The following ACD variants were observed in gnomAD, a reference collection of about 807,000 sequenced individuals.
ACD encodes adrenocortical dysplasia protein homolog.
A neutral mutation model predicts 53.9 loss-of-function variants in ACD; 39 were observed. The ratio of observed to expected loss-of-function variants is 0.72; its 90% CI spans 0.56 to 0.95. The LOEUF (loss-of-function observed/expected upper bound fraction) is 0.95. Among genes scored for constraint, ACD ranks in the 40% least tolerant of loss-of-function variants. The pLI, the probability that ACD is intolerant of heterozygous loss-of-function variation, is 0.00. For missense variants in ACD, 526 were observed against 587.9 expected (o/e 0.89, Z 1.09); for synonymous variants, 273 against 249.2 (o/e 1.10, Z -0.90).
At chr16:67,658,905 C>T (rs1238534278) in intron 7 of ACD, 23 bp downstream of exon 7, 1 of 1,609,762 alleles carries the variant, frequency 6.2e-7, no homozygotes, top group Non-Finnish European at 8.5e-7. Context: ...CCTGACATCT[C>T]CCAAGCAAAT....
In ACD at chr16:67,660,006, G is replaced by C. The variant is rs1057522813; in HGVS notation, c.139C>G (p.His47Asp). Reference protein sequence around the residue: ...DAEAAVAGPSHAPDTSDVGAT... With the variant: ...DAEAAVAGPSDAPDTSDVGAT... ...CCGACGTCGGACGTATCAGGGGCGT[G>C]GGATGGGCCCGCGACCGCGGCCTCG... The change falls in exon 2 of 12, where the codon CAC (histidine) becomes GAC (aspartate). Residue 47 changes from histidine to aspartate, a missense_variant. By Grantham distance (81) the His-to-Asp change is moderately conservative. Transcript: ENST00000620761. 6.2e-7 allele frequency: 1 copy of C among 1,607,804 alleles called. No homozygotes were observed.
chr16:67,659,823 G>A (rs746919859), intron 2 of ACD, 28 bp from the exon 3 acceptor site: 8 of 1,593,552 alleles, frequency 5.0e-6, no homozygotes, highest in Admixed American at 1.7e-5. Context: ...CTCACTGCCG[G>A]GCCCACCTGA....
Position 67,657,798 on chromosome 16 carries a change from G to C in ACD, c.1262C>G (p.Pro421Arg), listed in dbSNP as rs149418249. Reference sequence around the variant, plus strand: ...GACCCGAGCACAGAGGGACGTGCAGGGTGGCTCATACTCATACTGGAAGGC... The same window carrying C: ...GACCCGAGCACAGAGGGACGTGCAGCGTGGCTCATACTCATACTGGAAGGC... ...GSAFQYEYEP[P>R]CTSLCARVQA... The change falls in exon 11 of 12, where the codon CCC becomes CGC. Residue 421 changes from proline to arginine, a missense_variant. Pro to Arg is a moderately radical substitution (Grantham distance 103). Transcript: ENST00000620761. The surrounding 1 kb of genome is among the most constrained non-coding windows in gnomAD (Gnocchi z 4.5). 3.7e-6 allele frequency: 6 copies of C among 1,613,966 alleles called. No individual in the cohort carries two copies. The highest frequency in any genetic ancestry group is 5.1e-6 in the Non-Finnish European group (6 of 1,180,044).
At position 67,657,875 on chromosome 16, in the gene ACD, G is replaced by C. The variant is rs767319421; in HGVS notation, c.1207-22C>G. On this transcript the variant is annotated intron_variant, in intron 10 of 11. Coordinates refer to ENST00000620761, the MANE Select transcript of ACD (RefSeq NM_001082486.2). The surrounding 1 kb of genome is among the most constrained non-coding windows in gnomAD (Gnocchi z 4.5). ...GTTCCTGAAAGGGGTATGGTGTCTGGGGAAGAGCTAACAAGGACCCCAACC... is the reference window on the plus strand; with the variant it reads ...GTTCCTGAAAGGGGTATGGTGTCTGCGGAAGAGCTAACAAGGACCCCAACC... 1.9e-6 allele frequency: 3 copies of C among 1,613,844 alleles called. No individual in the cohort carries two copies. Among genetic ancestry groups the C allele is most frequent in the East Asian group, 2.2e-5 (1 of 44,894 alleles).
Position 67,660,047 on chromosome 16 carries a change from T to C in ACD, c.100-2A>G, listed in dbSNP as rs535895567. The C allele has an allele frequency of 6.2e-7, 1 of 1,608,214 alleles. No individual in the cohort carries two copies. Among genetic ancestry groups the C allele is most frequent in the East Asian group, 2.2e-5 (1 of 44,786 alleles). On this transcript the variant is annotated splice_acceptor_variant, in intron 1 of 11. Coordinates refer to ENST00000620761, the MANE Select transcript of ACD (RefSeq NM_001082486.2). LOFTEE classifies it high-confidence loss of function. ...CGCGGCCTCGGCGTCCTGTAGTACC[T>C]GACGGCGGCGAGCGGCGTCAATCCC...
At position 67,659,309 on chromosome 16, in the gene ACD, G is replaced by C. The variant is rs758329179; in HGVS notation, c.459-46C>G. 23 of 1,614,062 alleles carry C rather than the reference G, an allele frequency of 1.4e-5. No homozygotes were observed. In the South Asian group the frequency reaches 2.4e-4, roughly 17 times the overall value. ...GGACTCAGGAACCATGCTGAGGCCT[G>C]TCTACCTAGATACACCATCCCCTCA... On this transcript the variant is annotated intron_variant, in intron 5 of 11. Coordinates refer to ENST00000620761, the MANE Select transcript of ACD (RefSeq NM_001082486.2).
At position 67,658,750 on chromosome 16, in the gene ACD, TCAGAATTAGCTGGTCATTCTCAG is replaced by T; in HGVS notation, c.689_711del (p.Ser230Ter). 1 of 1,613,384 alleles carries T rather than the reference TCAGAATTAGCTGGTCATTCTCAG, an allele frequency of 6.2e-7. No individual in the cohort carries two copies. The highest frequency in any genetic ancestry group is 8.5e-7 in the Non-Finnish European group (1 of 1,179,658). On this transcript the variant is annotated frameshift_variant, in exon 8 of 12. Transcript: ENST00000620761. LOFTEE classifies it high-confidence loss of function. ...GTCCTCTGACAGGGGCCTAGAGAGCTCAGAATTAGCTGGTCATTCTCAGAGATGCACAGCATTGAGCTGGGGAC... is the reference window on the plus strand; with the variant it reads ...GTCCTCTGACAGGGGCCTAGAGAGCTAGATGCACAGCATTGAGCTGGGGAC...
chr16:67,659,802 C>G lies in ACD; in HGVS notation c.243-7G>C. ...GCCGAACTCCTTCTCCTCCCTGCAA[C>G]AAGCAGGATCCTCACTGCCGGGCCC... is the stretch of plus-strand genomic sequence containing the variant. On this transcript the variant is annotated splice_region_variant and splice_polypyrimidine_tract_variant and intron_variant, in intron 2 of 11. Transcript: ENST00000620761. 6.2e-7 allele frequency: 1 copy of G among 1,601,842 alleles called. No homozygotes were observed. The highest frequency in any genetic ancestry group is 1.7e-4 in the Middle Eastern group (1 of 6,012).
rs144087853 is a variant in ACD at position 67,658,992 on chromosome 16, G to A, written c.581C>T (p.Thr194Ile). 7 of 1,613,814 alleles carry A rather than the reference G, an allele frequency of 4.3e-6. No individual in the cohort carries two copies. In the African/African-American group the frequency reaches 5.3e-5, roughly 12 times the overall value. Residue 194 changes from threonine to isoleucine, a missense_variant, in exon 7 of 12, where the codon ACA becomes ATA. Coordinates refer to ENST00000620761, the MANE Select transcript of ACD (RefSeq NM_001082486.2). ...ALVCLAESCLTLEGPCTAPPV... is the reference protein window; with the variant it reads ...ALVCLAESCLILEGPCTAPPV... ...GGGTGCTGTGCAAGGGCCCTCCAGT[G>A]TCAGGCAGCTTTCAGCCAGGCACAC...
At position 67,657,738 on chromosome 16, in the gene ACD, G is replaced by A. The variant is rs768904482; in HGVS notation, c.1298+24C>T. 19 of 1,614,060 alleles carry A rather than the reference G, an allele frequency of 1.2e-5. No homozygotes were observed. The highest frequency in any genetic ancestry group is 2.2e-5 in the South Asian group (2 of 91,082). On this transcript the variant is annotated intron_variant, in intron 11 of 11. Coordinates refer to ENST00000620761, the MANE Select transcript of ACD (RefSeq NM_001082486.2). This position sits in a 1 kb window ranked among gnomAD's most constrained non-coding sequence, Gnocchi z 4.5. ...TGGAGCCTGGGACTAGTGACCAAGAGTTGGGGCAGACCCAGGCACTCACCT... is the reference window on the plus strand; with the variant it reads ...TGGAGCCTGGGACTAGTGACCAAGAATTGGGGCAGACCCAGGCACTCACCT...
chr16:67,659,502 G>A, intron 4 of ACD, 35 bp downstream of exon 4: 2 of 1,613,506 alleles, frequency 1.2e-6, no homozygotes, highest in Non-Finnish European at 1.7e-6. Flanking sequence ...AGGCTGGGGT[G>A]GGGAGAGCTG....
intron 2 of ACD, 45 bp from the exon 3 acceptor site, chr16:67,659,840 G>C: frequency 6.3e-7 from 1 of 1,584,356 alleles, no homozygotes; most frequent in Admixed American, 1.7e-5. Context: ...CTGAACACAA[G>C]GCCCGCCCAC....
Position 67,659,021 on chromosome 16 carries a change from T to A in ACD, c.552A>T (p.Ala184=), listed in dbSNP as rs2052938154. ...GGCAGCTTTCAGCCAGGCACACGAG[T>A]GCCCCCTGATGCTCCTGGTCCTCCC... ...EMREDQEHQG[A]LVCLAESCLT... The change falls in exon 7 of 12, where the codon GCA becomes GCT. Residue 184 remains alanine (A), a synonymous_variant. Coordinates refer to ENST00000620761, the MANE Select transcript of ACD (RefSeq NM_001082486.2). 1 of 1,613,696 alleles carries A rather than the reference T, an allele frequency of 6.2e-7. No homozygotes were observed. The highest frequency in any genetic ancestry group is 1.3e-5 in the African/African-American group (1 of 74,890).
chr16:67,660,212 A>T lies in ACD; in HGVS notation c.9T>A (p.Gly3=). 6.2e-7 allele frequency: 1 copy of T among 1,612,550 alleles called. No homozygotes were observed. The change falls in exon 1 of 12, where the codon GGT becomes GGA. Residue 3 remains glycine, a synonymous_variant. Transcript: ENST00000620761. MA[G]SGRLVLRPWI... ...AGGGCCGTAGGACCAGCCTCCCCGA[A>T]CCTGCCATCCCCACGGCTACACCCA... is the stretch of plus-strand genomic sequence containing the variant.
chr16:67,659,134 G>T, intron 6 of ACD, 55 bp from the exon 7 acceptor site: 6 of 1,608,750 alleles, frequency 3.7e-6, no homozygotes, highest in Non-Finnish European at 5.1e-6. Context: ...GACCAGGAGG[G>T]TGAGGGGGAA....
At position 67,658,763 on chromosome 16, in the gene ACD, G is replaced by A. The variant is rs781596966; in HGVS notation, c.699C>T (p.Asp233=). 3.1e-6 allele frequency: 5 copies of A among 1,613,482 alleles called. No homozygotes were observed. The highest frequency in any genetic ancestry group is 4.2e-6 in the Non-Finnish European group (5 of 1,179,694). The change falls in exon 8 of 12, where the codon GAC becomes GAT. Residue 233 remains aspartate (D), a synonymous_variant. Coordinates refer to ENST00000620761, the MANE Select transcript of ACD (RefSeq NM_001082486.2). Reference sequence around the variant, plus strand: ...GGCCTAGAGAGCTCAGAATTAGCTGGTCATTCTCAGAGATGCACAGCATTG... The same window carrying A: ...GGCCTAGAGAGCTCAGAATTAGCTGATCATTCTCAGAGATGCACAGCATTG... The part of the protein sequence containing the change: ...PSSMLCISEN[D]QLILSSLGPC...
Position 67,659,015 on chromosome 16 carries a change from C to A in ACD, c.558G>T (p.Val186=). 1.9e-6 allele frequency: 3 copies of A among 1,613,934 alleles called. No homozygotes were observed. The highest frequency in any genetic ancestry group is 2.5e-6 in the Non-Finnish European group (3 of 1,180,020). Residue 186 remains valine (V), a synonymous_variant, in exon 7 of 12, where the codon GTG becomes GTT. Coordinates refer to ENST00000620761, the MANE Select transcript of ACD (RefSeq NM_001082486.2). ...GTGTCAGGCAGCTTTCAGCCAGGCA[C>A]ACGAGTGCCCCCTGATGCTCCTGGT... The part of the protein sequence containing the change: ...REDQEHQGAL[V]CLAESCLTLE...
Position 67,658,024 on chromosome 16 carries a change from C to CGGTCCT in ACD, c.1162_1167dup (p.Arg388_Thr389dup). ...GGCTCCTGGGCTCCCCTGGTAGCTCCGGTCCTGGGAAAAGGCGGCCGATTC... is the reference window on the plus strand; with the variant it reads ...GGCTCCTGGGCTCCCCTGGTAGCTCCGGTCCTGGTCCTGGGAAAAGGCGGCCGATTC... On this transcript the variant is annotated inframe_insertion, in exon 10 of 12. Transcript: ENST00000620761. The CGGTCCT allele has an allele frequency of 1.3e-6, 2 of 1,548,232 alleles. No homozygotes were observed. Among genetic ancestry groups the CGGTCCT allele is most frequent in the Non-Finnish European group, 1.7e-6 (2 of 1,148,168 alleles).
Position 67,657,579 on chromosome 16 carries a change from G to A in ACD, c.*27C>T. 1.2e-6 allele frequency: 2 copies of A among 1,614,118 alleles called. No homozygotes were observed. Among genetic ancestry groups the A allele is most frequent in the East Asian group, 2.2e-5 (1 of 44,890 alleles). On this transcript the variant is annotated 3_prime_UTR_variant, in exon 12 of 12. Coordinates refer to ENST00000620761, the MANE Select transcript of ACD (RefSeq NM_001082486.2). The surrounding 1 kb of genome is among the most constrained non-coding windows in gnomAD (Gnocchi z 4.5). ...AAAAAACTCAAAGGAAGCAGAGTGTGGAGCGGTATCTGTCCTGCGTGACGT... is the reference window on the plus strand; with the variant it reads ...AAAAAACTCAAAGGAAGCAGAGTGTAGAGCGGTATCTGTCCTGCGTGACGT...
Sources: allele counts gnomAD v4.1 joint callset, GRCh38; gene constraint gnomAD v4.1.1; non-coding constraint Gnocchi (gnomAD v3.1); transcripts MANE v1.5; gene names NCBI Gene and HGNC (gene_info 2026-07-23, HGNC 2026-07-21).